The following CSMD1 variants were observed in gnomAD, a reference collection of about 807,000 sequenced individuals.
CSMD1 encodes the protein CUB and sushi domain-containing protein 1.
Under a neutral mutation model 417.5 loss-of-function variants are expected in CSMD1, and 213 were observed. The ratio of observed to expected loss-of-function variants is 0.51; its 90% CI spans 0.46 to 0.57. CSMD1 has a LOEUF of 0.57. Among genes scored for constraint, CSMD1 ranks in the 20% least tolerant of loss-of-function variants. CSMD1 has a pLI of 0.00. For missense variants in CSMD1, 6,923 were observed against 4,529.7 expected (o/e 1.53, Z -15.17); for synonymous variants, 2,862 against 1,736.8 (o/e 1.65, Z -16.11).
At chr8:4,009,697 G>A (rs900846227) in intron 4 of CSMD1, among the ~76,000 whole-genome samples, 3 of 151,954 alleles carry the variant, frequency 2.0e-5, no homozygotes, top group Non-Finnish European at 4.4e-5. Flanking sequence ...AGGAAGGAAG[G>A]GCCACAAAGA....
intron 1 of CSMD1, among the ~76,000 whole-genome samples, chr8:4,793,234 T>A (rs1247501464): frequency 1.3e-5 from 2 of 152,114 alleles, no homozygotes; most frequent in Non-Finnish European, 2.9e-5. Context: ...CATGAGTTAG[T>A]TTTCCTTCAT....
At chr8:4,531,909 G>T (rs942771800) in intron 2 of CSMD1, among the ~76,000 whole-genome samples, 1 of 139,556 alleles carries the variant, frequency 7.2e-6, no homozygotes. Context: ...CAGTCACTCC[G>T]GAAAAGAAAT....
rs1799238990 is a variant in CSMD1 at position 4,578,332 on chromosome 8, A to ATTTTTCTTTTTTTTTTTT, written c.302+59009_302+59010insAAAAAAAAAAAAGAAAAA. 9.6e-4 allele frequency among the ~76,000 whole-genome samples: 47 copies of ATTTTTCTTTTTTTTTTTT among 48,758 alleles called. 2 individuals are homozygous for ATTTTTCTTTTTTTTTTTT. Among genetic ancestry groups the ATTTTTCTTTTTTTTTTTT allele is most frequent in the African/African-American group, 3.6e-3 (47 of 13,090 alleles). 32.0% of individuals were successfully genotyped at this position (48,758 alleles called of 152,430 possible). A position where few individuals can be genotyped will look rare whatever the true frequency, so the allele number is the denominator to read the frequency against. On this transcript the variant is annotated intron_variant, in intron 2 of 69. Coordinates refer to ENST00000635120, the MANE Select transcript of CSMD1 (RefSeq NM_033225.6). ...AGGCACCTGCCACGACACCCGGCTC[A>ATTTTTCTTTTTTTTTTTT]TTTTTTTTTTTTTTTTTTTTTTTTT... is the stretch of plus-strand genomic sequence containing the variant.
At chr8:3,642,039 G>T (rs1027590622) in intron 7 of CSMD1, among the ~76,000 whole-genome samples, 2 of 152,052 alleles carry the variant, frequency 1.3e-5, no homozygotes, top group Non-Finnish European at 2.9e-5. Flanking sequence ...TGCAAACCTT[G>T]ATCACCTGGA....
chr8:2,985,961 A>G (rs1397058384), intron 54 of CSMD1, among the ~76,000 whole-genome samples: 5 of 101,032 alleles, frequency 4.9e-5, no homozygotes, highest in Non-Finnish European at 7.7e-5. Context: ...GGGAAGGGGA[A>G]GGGGAAGGGG....
chr8:3,935,730 T>C (rs532984779), intron 5 of CSMD1, among the ~76,000 whole-genome samples: 5 of 152,264 alleles, frequency 3.3e-5, no homozygotes, highest in East Asian at 3.9e-4. Context: ...ACCTCCTTCA[T>C]TGGGCCTCGC....
intron 3 of CSMD1, among the ~76,000 whole-genome samples, chr8:4,052,058 C>A (rs899602442): frequency 6.6e-6 from 1 of 152,020 alleles, no homozygotes; most frequent in African/African-American, 2.4e-5. Flanking sequence ...GCCTCAGCCT[C>A]CCAAGTAGCC....
chr8:4,742,703 T>G (rs1810703234), intron 1 of CSMD1, among the ~76,000 whole-genome samples: 1 of 152,128 alleles, frequency 6.6e-6, no homozygotes, highest in African/African-American at 2.4e-5. Flanking sequence ...TTGGTTTTAT[T>G]AAAGATGCAA....
At chr8:4,357,101 T>C (rs1326870214) in intron 3 of CSMD1, among the ~76,000 whole-genome samples, 2 of 152,230 alleles carry the variant, frequency 1.3e-5, no homozygotes, top group Non-Finnish European at 2.9e-5. Context: ...TGTTATGTAT[T>C]ACAACTCTGA....
chr8:3,067,475 G>T (rs1813011864), intron 49 of CSMD1, among the ~76,000 whole-genome samples: 2 of 151,984 alleles, frequency 1.3e-5, no homozygotes, highest in Non-Finnish European at 2.9e-5. Context: ...AACATTGAAT[G>T]ATTTTCTCCA....
At chr8:4,116,587 A>G (rs7812441) in intron 3 of CSMD1, among the ~76,000 whole-genome samples, 25,446 of 36,994 alleles carry the variant, frequency 0.69, 8,593 homozygotes, top group Middle Eastern at 0.75. Context: ...CACATCCGAC[A>G]GTGATGTATG....
intron 3 of CSMD1, among the ~76,000 whole-genome samples, chr8:4,264,509 C>A (rs752091881): frequency 6.6e-6 from 1 of 152,096 alleles, no homozygotes; most frequent in Non-Finnish European, 1.5e-5. Context: ...ATGTGTACCC[C>A]CCCTGAAGCT....
At chr8:4,230,548 T>C (rs1293924249) in intron 3 of CSMD1, among the ~76,000 whole-genome samples, 2 of 152,214 alleles carry the variant, frequency 1.3e-5, no homozygotes, top group Non-Finnish European at 2.9e-5. Context: ...TGCTCAATTA[T>C]ATTGGACAAT....
At chr8:3,698,002 T>C (rs1355437839) in intron 7 of CSMD1, among the ~76,000 whole-genome samples, 1 of 152,212 alleles carries the variant, frequency 6.6e-6, no homozygotes, top group Non-Finnish European at 1.5e-5. Context: ...CCACCTGTAA[T>C]CCAATCAGGC....
intron 1 of CSMD1, among the ~76,000 whole-genome samples, chr8:4,643,846 G>T (rs551488190): frequency 6.6e-6 from 1 of 152,280 alleles, no homozygotes; most frequent in South Asian, 2.1e-4. Context: ...TCGATTAAGG[G>T]TTTTCAGAAT....
intron 5 of CSMD1, among the ~76,000 whole-genome samples, chr8:3,903,072 G>T (rs978166296): frequency 3.9e-5 from 6 of 152,134 alleles, no homozygotes; most frequent in African/African-American, 1.4e-4. Flanking sequence ...ATAACTGCCT[G>T]CTGTCTGTAT....
At chr8:4,067,051 G>A (rs1182329271) in intron 3 of CSMD1, among the ~76,000 whole-genome samples, 2 of 152,214 alleles carry the variant, frequency 1.3e-5, no homozygotes, top group African/African-American at 2.4e-5. Context: ...ATCAAGTGTT[G>A]CCACATGGCG....
At chr8:4,653,427 G>A (rs1422541519) in intron 1 of CSMD1, among the ~76,000 whole-genome samples, 1 of 152,092 alleles carries the variant, frequency 6.6e-6, no homozygotes. Flanking sequence ...ATTCACAAGA[G>A]TACCTTGTCT....
At chr8:3,350,067 ATGTG>A (rs900257094) in intron 21 of CSMD1, among the ~76,000 whole-genome samples, 2 of 142,292 alleles carry the variant, frequency 1.4e-5, no homozygotes, top group Admixed American at 7.2e-5. Context: ...TAACTTGTGT[ATGTG>A]TGTGTTATAA....
Sources: allele counts gnomAD v4.1 joint callset (sites outside exome capture counted in the v4.1 genomes callset), GRCh38; gene constraint gnomAD v4.1.1; transcripts MANE v1.5; gene names NCBI Gene and HGNC (gene_info 2026-07-23, HGNC 2026-07-21).